MYO7B: variants seen among roughly 807,000 people sequenced by gnomAD.
MYO7B encodes the protein unconventional myosin-VIIb.
In MYO7B, 212 loss-of-function variants were observed where a neutral mutation model predicts 259.7. The observed-to-expected ratio is 0.82, with a 90% CI of 0.73 to 0.91. The LOEUF (loss-of-function observed/expected upper bound fraction) is 0.91, where lower values mean the gene tolerates loss of function less well. MYO7B is among the 40% of genes least tolerant of loss of function. MYO7B has a pLI of 0.00. For missense variants in MYO7B, 2,732 were observed against 2,813.5 expected (o/e 0.97, Z 0.66); for synonymous variants, 1,197 against 1,166.4 (o/e 1.03, Z -0.54).
In MYO7B at chr2:127,540,882, T is replaced by C. The variant is rs1304441485; in HGVS notation, c.-24+5051T>C. ...ATGAAGGACGGTGTTTCAAGGGCTG[T>C]CTCTCTAATGAAGAATAATTTCTCA... On this transcript the variant is annotated intron_variant, in intron 1 of 47. Transcript: ENST00000409816. 2.0e-5 allele frequency among the ~76,000 whole-genome samples: 3 copies of C among 152,216 alleles called. No individual in the cohort carries two copies. In the East Asian group the frequency reaches 5.8e-4, roughly 29 times the overall value.
rs1213426129 is a variant in MYO7B, at chr2:127,613,875, A to G, written c.3398+1272A>G. On this transcript the variant is annotated intron_variant, in intron 26 of 47. Transcript: ENST00000409816. The surrounding 1 kb of genome is among the most constrained non-coding windows in gnomAD (Gnocchi z 4.3). ...CCACCATGTGTGTCAGGGGGCAACC[A>G]GAGATTTGGGAAGATTTTATGTGCA... 1.3e-5 allele frequency among the ~76,000 whole-genome samples: 2 copies of G among 152,204 alleles called. No individual in the cohort carries two copies. Among genetic ancestry groups the G allele is most frequent in the African/African-American group, 4.8e-5 (2 of 41,446 alleles).
Position 127,590,265 on chromosome 2 carries a change from A to T in MYO7B, c.1992+36A>T. On this transcript the variant is annotated intron_variant, in intron 16 of 47. Coordinates refer to ENST00000409816, the MANE Select transcript of MYO7B (RefSeq NM_001393586.1). The surrounding 1 kb of genome is among the most constrained non-coding windows in gnomAD (Gnocchi z 4.6). ...GAGGCTGGGGCACAGCAAAGGAGGGAGGAGGAGGAGGCTGATGGCCTCTAG... is the reference window on the plus strand; with the variant it reads ...GAGGCTGGGGCACAGCAAAGGAGGGTGGAGGAGGAGGCTGATGGCCTCTAG... 6.2e-7 allele frequency: 1 copy of T among 1,611,360 alleles called. No homozygotes were observed. Among genetic ancestry groups the T allele is most frequent in the Non-Finnish European group, 8.5e-7 (1 of 1,179,106 alleles).
At chr2:127,625,242 T>G in intron 30 of MYO7B, 126 bp from the exon 31 acceptor site, 3 of 1,165,730 alleles carry the variant, frequency 2.6e-6, no homozygotes, top group Non-Finnish European at 3.5e-6. Context: ...GGGAAGGTCC[T>G]GCCCGAGCCA....
Position 127,576,100 on chromosome 2 carries a change from G to A in MYO7B, c.736-495G>A, listed in dbSNP as rs1678855162. On this transcript the variant is annotated intron_variant, in intron 7 of 47. Coordinates refer to ENST00000409816, the MANE Select transcript of MYO7B (RefSeq NM_001393586.1). The surrounding 1 kb of genome is among the most constrained non-coding windows in gnomAD (Gnocchi z 4.9). ...TGTGATCTTAGCTACTTGGTAGGCTGAGGTGGGAGGATGGCTTGAATCCAG... is the reference window on the plus strand; with the variant it reads ...TGTGATCTTAGCTACTTGGTAGGCTAAGGTGGGAGGATGGCTTGAATCCAG... Among the ~76,000 whole-genome samples, 1 of 152,124 alleles carries A rather than the reference G, an allele frequency of 6.6e-6. No individual in the cohort carries two copies. Among genetic ancestry groups the A allele is most frequent in the Non-Finnish European group, 1.5e-5 (1 of 68,026 alleles).
chr2:127,600,356 G>A (rs1444919752), intron 19 of MYO7B, among the ~76,000 whole-genome samples: 1 of 152,154 alleles, frequency 6.6e-6, no homozygotes, highest in Non-Finnish European at 1.5e-5. Context: ...TGTCATTCCT[G>A]ATATTGGAAA....
intron 19 of MYO7B, among the ~76,000 whole-genome samples, chr2:127,598,630 T>C (rs1362664066): frequency 1.8e-4 from 28 of 152,254 alleles, no homozygotes; most frequent in Non-Finnish European, 5.9e-5. Context: ...ATCGTGCTTT[T>C]AGTGTTAAGT....
chr2:127,556,283 C>T (rs190759291), intron 1 of MYO7B, among the ~76,000 whole-genome samples: 49 of 152,224 alleles, frequency 3.2e-4, no homozygotes, highest in African/African-American at 1.1e-3. Flanking sequence ...TTATGTGAGT[C>T]CTTTTGTGTT....
At position 127,579,639 on chromosome 2, in the gene MYO7B, G is replaced by A. The variant is rs1679022305; in HGVS notation, c.1004-1107G>A. On this transcript the variant is annotated intron_variant, in intron 9 of 47. Transcript: ENST00000409816. ...CTTGCTTTGTTGTCCAGGCTGGAGT[G>A]CAGTGGTGGGATCTCGACTCACTGC... Among the ~76,000 whole-genome samples, 6 of 152,324 alleles carry A rather than the reference G, an allele frequency of 3.9e-5. No individual in the cohort carries two copies. The South Asian group carries it at 1.2e-3, about 32-fold the overall frequency.
intron 31 of MYO7B, chr2:127,626,101 G>C (rs1469469579): frequency 6.6e-6 from 1 of 152,326 alleles, no homozygotes; most frequent in Non-Finnish European, 1.5e-5. Flanking sequence ...AGAGAGTTCG[G>C]TTGGATATTA....
intron 3 of MYO7B, among the ~76,000 whole-genome samples, chr2:127,564,949 G>A (rs1032145150): frequency 1.3e-5 from 2 of 152,232 alleles, no homozygotes; most frequent in Non-Finnish European, 2.9e-5. Flanking sequence ...CTGGCTATAA[G>A]CTCCTTTGTC....
At chr2:127,596,345 C>A in intron 18 of MYO7B, 117 bp from the exon 19 acceptor site, 1 of 815,096 alleles carries the variant, frequency 1.2e-6, no homozygotes, top group Non-Finnish European at 2.0e-6. Context: ...CCTTCTCTGG[C>A]CTGCCCTCCT....
rs1680511059 is a variant in MYO7B at position 127,614,866 on chromosome 2, C to CCA, written c.3398+2263_3398+2264insCA. ...TTTAGTAAATCCTACAAGAATGTGT[C>CCA]TCTTTAGAACGTCGGATATGAGCAT... On this transcript the variant is annotated intron_variant, in intron 26 of 47. Transcript: ENST00000409816. This position sits in a 1 kb window ranked among gnomAD's most constrained non-coding sequence, Gnocchi z 4.6. Among the ~76,000 whole-genome samples the CCA allele has an allele frequency of 6.6e-6, 1 of 152,220 alleles. No individual in the cohort carries two copies. Among genetic ancestry groups the CCA allele is most frequent in the African/African-American group, 2.4e-5 (1 of 41,450 alleles).
intron 2 of MYO7B, among the ~76,000 whole-genome samples, chr2:127,562,861 G>A (rs1480178254): frequency 6.6e-6 from 1 of 151,964 alleles, no homozygotes; most frequent in Non-Finnish European, 1.5e-5. Flanking sequence ...GGCCTGTCTT[G>A]GCCTCCCAAA....
intron 11 of MYO7B, 107 bp downstream of exon 11, chr2:127,582,117 C>T (rs1212418174): frequency 3.9e-6 from 6 of 1,538,868 alleles, no homozygotes; most frequent in Non-Finnish European, 5.3e-6. Flanking sequence ...TGGGCAGGTC[C>T]CCACTCTGCC....
Position 127,576,140 on chromosome 2 carries a change from A to G in MYO7B, c.736-455A>G, listed in dbSNP as rs1159852897. Among the ~76,000 whole-genome samples the G allele has an allele frequency of 6.6e-6, 1 of 152,010 alleles. No homozygotes were observed. The highest frequency in any genetic ancestry group is 1.5e-5 in the Non-Finnish European group (1 of 67,990). Reference sequence around the variant, plus strand: ...CTTGAATCCAGGACTTCGAGGCTACAGTGGGCTGAGATTGCACCACTGCAC... The same window carrying G: ...CTTGAATCCAGGACTTCGAGGCTACGGTGGGCTGAGATTGCACCACTGCAC... On this transcript the variant is annotated intron_variant, in intron 7 of 47. Coordinates refer to ENST00000409816, the MANE Select transcript of MYO7B (RefSeq NM_001393586.1). This position sits in a 1 kb window ranked among gnomAD's most constrained non-coding sequence, Gnocchi z 4.9.
rs769681414 is a variant in MYO7B, at chr2:127,636,513, T to G, written c.6124-32T>G. The G allele has an allele frequency of 6.3e-7, 1 of 1,592,226 alleles. No individual in the cohort carries two copies. Among genetic ancestry groups the G allele is most frequent in the South Asian group, 1.1e-5 (1 of 88,470 alleles). Reference sequence around the variant, plus strand: ...GGAGGTGCAGCCTGGCCTCCCGGGCTGGACTATGACCGCCGTGTCCCTCCC... The same window carrying G: ...GGAGGTGCAGCCTGGCCTCCCGGGCGGGACTATGACCGCCGTGTCCCTCCC... On this transcript the variant is annotated intron_variant, in intron 45 of 47. Coordinates refer to ENST00000409816, the MANE Select transcript of MYO7B (RefSeq NM_001393586.1). This position sits in a 1 kb window ranked among gnomAD's most constrained non-coding sequence, Gnocchi z 4.5.
chr2:127,579,068 G>A (rs1316704853), intron 9 of MYO7B, among the ~76,000 whole-genome samples: 2 of 152,200 alleles, frequency 1.3e-5, no homozygotes, highest in African/African-American at 2.4e-5. Flanking sequence ...TGCCTGTCTA[G>A]GAGATGGAAT....
intron 1 of MYO7B, among the ~76,000 whole-genome samples, chr2:127,555,972 C>A (rs1031419976): frequency 3.9e-5 from 6 of 152,136 alleles, no homozygotes; most frequent in African/African-American, 1.4e-4. Context: ...TCTTGAGGAC[C>A]TGCCTAGTGC....
chr2:127,573,134 C>T (rs1411313434), intron 6 of MYO7B, among the ~76,000 whole-genome samples: 1 of 152,186 alleles, frequency 6.6e-6, no homozygotes, highest in Non-Finnish European at 1.5e-5. Flanking sequence ...CCAAGGAACC[C>T]TTTTCCTTCG....
Sources: allele counts gnomAD v4.1 joint callset (sites outside exome capture counted in the v4.1 genomes callset), GRCh38; gene constraint gnomAD v4.1.1; non-coding constraint Gnocchi (gnomAD v3.1); transcripts MANE v1.5; gene names NCBI Gene and HGNC (gene_info 2026-07-23, HGNC 2026-07-21).